Variants in COL4A2 observed in about 807,000 individuals in gnomAD.
COL4A2 encodes the protein collagen type IV alpha 2 chain.
In COL4A2, 99 loss-of-function variants were observed where a neutral mutation model predicts 200.2. The observed-to-expected ratio is 0.49, with a 90% CI of 0.42 to 0.58. The LOEUF is 0.58. COL4A2 is among the 20% of genes least tolerant of loss of function. COL4A2 has a pLI of 0.00. For missense variants in COL4A2, 1,950 were observed against 2,314.1 expected, an observed-to-expected ratio of 0.84 and a Z score of 3.23; for synonymous variants, 897 against 900.6, an observed-to-expected ratio of 1.00 and a Z score of 0.07.
In COL4A2 at chr13:110,465,610, T is replaced by C. The variant is rs372577230; in HGVS notation, c.1978+4T>C. On this transcript the variant is annotated splice_donor_region_variant and intron_variant, in intron 25 of 47. Coordinates refer to ENST00000360467, the MANE Select transcript of COL4A2 (RefSeq NM_001846.4). ...GCAGGGACCCCAGGACAAATAGGTA[T>C]GAAGGAATCCTCCCTTTTACCTTTC... The C allele has an allele frequency of 1.3e-4, 213 of 1,602,706 alleles. No homozygotes were observed. The highest frequency in any genetic ancestry group is 1.7e-4 in the Non-Finnish European group (198 of 1,175,006).
chr13:110,329,930 A>G (rs1399482181), intron 3 of COL4A2, among the ~76,000 whole-genome samples: 1 of 152,230 alleles, frequency 6.6e-6, no homozygotes, highest in Non-Finnish European at 1.5e-5. Flanking sequence ...GTGAAATACG[A>G]TATGACGAGG....
intron 28 of COL4A2, among the ~76,000 whole-genome samples, chr13:110,472,277 G>A (rs1882505033): frequency 1.3e-5 from 2 of 151,882 alleles, no homozygotes; most frequent in African/African-American, 4.8e-5. Flanking sequence ...CACCACACCT[G>A]GCTAATTTTT....
intron 4 of COL4A2, among the ~76,000 whole-genome samples, chr13:110,358,206 T>A (rs912909269): frequency 2.0e-5 from 3 of 152,200 alleles, no homozygotes; most frequent in Non-Finnish European, 2.9e-5. Flanking sequence ...TAAAAAAATT[T>A]TTTTTTACTT....
chr13:110,368,840 C>T (rs1283598841), intron 4 of COL4A2, among the ~76,000 whole-genome samples: 1 of 29,420 alleles, frequency 3.4e-5, no homozygotes, highest in African/African-American at 1.7e-4. Context: ...CAACTAAGGC[C>T]AAAGAAAAGG....
intron 4 of COL4A2, among the ~76,000 whole-genome samples, chr13:110,364,588 A>G (rs191415130): frequency 2.0e-5 from 3 of 152,354 alleles, no homozygotes; most frequent in East Asian, 3.9e-4. Context: ...AAAGAGCCAC[A>G]TTATGCTCTG....
At chr13:110,308,224 T>TGTGTGC in intron 3 of COL4A2, 101 bp downstream of exon 3, 1 of 1,322,996 alleles carries the variant, frequency 7.6e-7, no homozygotes. Context: ...CCCGAGTGTG[T>TGTGTGC]GTGTGCGTGT....
intron 3 of COL4A2, among the ~76,000 whole-genome samples, chr13:110,346,885 A>C (rs1260952604): frequency 6.6e-6 from 1 of 152,188 alleles, no homozygotes; most frequent in Non-Finnish European, 1.5e-5. Context: ...TCTGTTGACT[A>C]AGGGGAGGCC....
At position 110,482,787 on chromosome 13, in the gene COL4A2, C is replaced by CA. The variant is rs1882978978; in HGVS notation, c.2902+132dup. The stretch of plus-strand genomic sequence containing the variant: ...TGCATCCAGGAACCCTAAAGCTAGA[C>CA]AAAACAAACAAAATGAGCTAACAAA... On this transcript the variant is annotated intron_variant, in intron 32 of 47. Transcript: ENST00000360467. 3.7e-5 allele frequency: 34 copies of CA among 916,846 alleles called. No individual in the cohort carries two copies. The South Asian group carries it at 5.9e-4, about 16-fold the overall frequency. 56.8% of individuals were successfully genotyped at this position (916,846 alleles called of 1,614,324 possible). A position where few individuals can be genotyped will look rare whatever the true frequency, so the allele number is the denominator to read the frequency against.
chr13:110,480,463 T>C (rs1031214377), intron 31 of COL4A2, 73 bp downstream of exon 31: 58 of 1,475,094 alleles, frequency 3.9e-5, no homozygotes, highest in Non-Finnish European at 5.2e-5. Context: ...CTGAGACAGC[T>C]CTGCTGGGCG....
rs140867409 is a variant in COL4A2, at chr13:110,335,322, C to T, written c.100-22150C>T. Among the ~76,000 whole-genome samples, 830 of 152,246 alleles carry T rather than the reference C, an allele frequency of 5.5e-3. 6 individuals are homozygous for T. The highest frequency in any genetic ancestry group is 0.019 in the African/African-American group (791 of 41,534). The stretch of plus-strand genomic sequence containing the variant: ...TGAATTGTAGCTCCCATAATTCCCA[C>T]ATGTTTTGAAAGGGACCCAGTGGGA... On this transcript the variant is annotated intron_variant, in intron 3 of 47. Transcript: ENST00000360467.
chr13:110,504,066 C>A (rs1232894187), intron 44 of COL4A2, 73 bp downstream of exon 44: 12 of 1,565,604 alleles, frequency 7.7e-6, no homozygotes, highest in Non-Finnish European at 9.6e-6. Flanking sequence ...GGCATTGCGT[C>A]CTCTTGTGTT....
chr13:110,448,569 A>G (rs763485790), intron 18 of COL4A2, among the ~76,000 whole-genome samples: 3 of 152,250 alleles, frequency 2.0e-5, no homozygotes, highest in Non-Finnish European at 2.9e-5. Context: ...TCAAGGTAAC[A>G]TTGCATGAAC....
At chr13:110,451,398 G>A (rs576139430) in intron 20 of COL4A2, among the ~76,000 whole-genome samples, 6 of 152,216 alleles carry the variant, frequency 3.9e-5, no homozygotes, top group South Asian at 2.1e-4. Flanking sequence ...TCGTTCTCAC[G>A]CTGCTATAAG....
At chr13:110,360,419 A>C (rs1213886012) in intron 4 of COL4A2, among the ~76,000 whole-genome samples, 1 of 152,198 alleles carries the variant, frequency 6.6e-6, no homozygotes, top group Non-Finnish European at 1.5e-5. Flanking sequence ...TTATTTCAGT[A>C]TATAATGGCA....
chr13:110,413,026 G>A (rs932327437), intron 4 of COL4A2, among the ~76,000 whole-genome samples: 15 of 152,270 alleles, frequency 9.9e-5, no homozygotes, highest in Admixed American at 5.9e-4. Flanking sequence ...TTGAGATTGC[G>A]GATGATGTTT....
At chr13:110,427,686 T>C in intron 6 of COL4A2, among the ~76,000 whole-genome samples, 1 of 152,266 alleles carries the variant, frequency 6.6e-6, no homozygotes. Flanking sequence ...CCAGCCCCTG[T>C]GTGTCTCCTG....
chr13:110,433,202 G>T (rs901501760), intron 11 of COL4A2, among the ~76,000 whole-genome samples: 71 of 152,360 alleles, frequency 4.7e-4, no homozygotes, highest in African/African-American at 1.7e-3. Context: ...ACAGCTTCCG[G>T]TTGGCTGGAG....
intron 3 of COL4A2, among the ~76,000 whole-genome samples, chr13:110,333,429 G>GA (rs1438400330): frequency 6.6e-6 from 1 of 152,246 alleles, no homozygotes; most frequent in Non-Finnish European, 1.5e-5. Context: ...GTGACATTCA[G>GA]AGGCAGCTTT....
intron 3 of COL4A2, among the ~76,000 whole-genome samples, chr13:110,342,007 AT>A (rs559614987): frequency 4.4e-4 from 67 of 152,268 alleles, no homozygotes; most frequent in African/African-American, 1.4e-3. Context: ...GGACTCACGA[AT>A]TTTTATCTTA....
Sources: allele counts gnomAD v4.1 joint callset (sites outside exome capture counted in the v4.1 genomes callset), GRCh38; gene constraint gnomAD v4.1.1; transcripts MANE v1.5; gene names NCBI Gene and HGNC (gene_info 2026-07-23, HGNC 2026-07-21).